TAOK3: variants seen among roughly 807,000 people sequenced by gnomAD.
The protein encoded by TAOK3 is TAO kinase 3, also known as serine/threonine-protein kinase TAO3.
Under a neutral mutation model 120.4 loss-of-function variants are expected in TAOK3, and 40 were observed. The observed-to-expected ratio is 0.33, with a 90% CI of 0.26 to 0.43. The LOEUF (loss-of-function observed/expected upper bound fraction) is 0.43. Ranked by LOEUF, TAOK3 falls within the 20% of genes least tolerant of loss-of-function variation. TAOK3 has a pLI of 1.00. For synonymous variants in TAOK3, 355 were observed against 387.5 expected, an observed-to-expected ratio of 0.92 and a Z score of 0.99; for missense variants, 821 against 1,112.1, an observed-to-expected ratio of 0.74 and a Z score of 3.72.
intron 1 of TAOK3, among the ~76,000 whole-genome samples, chr12:118,343,472 T>A (rs893839622): frequency 6.6e-6 from 1 of 150,638 alleles, no homozygotes; most frequent in Non-Finnish European, 1.5e-5. Flanking sequence ...GTGCACTCTA[T>A]GTAAGTGACC....
intron 17 of TAOK3, among the ~76,000 whole-genome samples, chr12:118,169,714 T>C (rs1294991591): frequency 6.6e-6 from 1 of 152,046 alleles, no homozygotes; most frequent in Admixed American, 6.6e-5. Context: ...GATTCCATCA[T>C]CTTTTCTCTC....
In TAOK3 at chr12:118,151,047, C is replaced by T; in HGVS notation, c.2647G>A (p.Gly883Arg). Reference protein sequence around the residue: ...ETFDMESLRMGFGNLVTLDFP... With the variant: ...ETFDMESLRMRFGNLVTLDFP... Reference sequence around the variant, plus strand: ...TCTAATGTAACCAAATTCCCAAATCCCATTCTGAGGCTCTCCATGTCAAAA... The same window carrying T: ...TCTAATGTAACCAAATTCCCAAATCTCATTCTGAGGCTCTCCATGTCAAAA... Residue 883 changes from glycine (G) to arginine (R), a missense_variant, in exon 21 of 21, where the codon GGA (glycine) becomes AGA (arginine). Physicochemically the swap from Gly to Arg is moderately radical, Grantham distance 125. Coordinates refer to ENST00000392533, the MANE Select transcript of TAOK3 (RefSeq NM_016281.4). 1 of 1,613,066 alleles carries T rather than the reference C, an allele frequency of 6.2e-7. No homozygotes were observed. Among genetic ancestry groups the T allele is most frequent in the Non-Finnish European group, 8.5e-7 (1 of 1,179,888 alleles).
chr12:118,187,012 T>C (rs75571641), intron 14 of TAOK3, among the ~76,000 whole-genome samples: 18,307 of 152,200 alleles, frequency 0.12, 1,185 homozygotes, highest in Middle Eastern at 0.15. Context: ...AGGCCTCTTT[T>C]AGGCTTATGT....
intron 11 of TAOK3, among the ~76,000 whole-genome samples, chr12:118,202,681 AT>A (rs373149415): frequency 1.3e-5 from 2 of 152,216 alleles, no homozygotes; most frequent in African/African-American, 4.8e-5. Context: ...TAATAAAAAA[AT>A]CACTAGAACT....
At chr12:118,280,897 T>C (rs2042077561) in intron 1 of TAOK3, among the ~76,000 whole-genome samples, 1 of 152,224 alleles carries the variant, frequency 6.6e-6, no homozygotes, top group African/African-American at 2.4e-5. Context: ...TAGTTCTCAT[T>C]GTAGAGATCT....
In TAOK3 at chr12:118,178,654, C is replaced by T. The variant is rs376697668; in HGVS notation, c.1567-1325G>A. On this transcript the variant is annotated intron_variant, in intron 15 of 20. Transcript: ENST00000392533. ...TGTATTTTTAGTAGAGACAGGGTTT[C>T]ACCATGTTGGCCAGGCTGGTGTTGA... Among the ~76,000 whole-genome samples the T allele has an allele frequency of 5.9e-5, 9 of 152,252 alleles. No homozygotes were observed. In the East Asian group the frequency reaches 1.5e-3, roughly 26 times the overall value.
chr12:118,201,434 T>C lies in TAOK3; in HGVS notation c.849A>G (p.Leu283=), dbSNP rs1226751975. 1.2e-6 allele frequency: 2 copies of C among 1,612,974 alleles called. No individual in the cohort carries two copies. Among genetic ancestry groups the C allele is most frequent in the South Asian group, 1.1e-5 (1 of 90,934 alleles). Residue 283 remains leucine, a synonymous_variant, in exon 12 of 21, where the codon CTA becomes CTG. Coordinates refer to ENST00000392533, the MANE Select transcript of TAOK3 (RefSeq NM_016281.4). ...TCTGTATGAGGTCAATGAGGACACG[T>C]AGTGGCCGGTCTCGTCGAACAAAGT... The part of the protein sequence containing the change: ...RHDFVRRDRP[L]RVLIDLIQRT...
chr12:118,243,266 C>A, intron 5 of TAOK3, 149 bp downstream of exon 5: 1 of 552,566 alleles, frequency 1.8e-6, no homozygotes, highest in Non-Finnish European at 3.1e-6. Flanking sequence ...AAGTGACACA[C>A]CAAAGTATTA....
intron 1 of TAOK3, among the ~76,000 whole-genome samples, chr12:118,346,946 C>T (rs747733714): frequency 9.2e-5 from 14 of 152,080 alleles, no homozygotes; most frequent in East Asian, 1.9e-4. Context: ...TATATGCATT[C>T]GTCTTCCTCC....
chr12:118,217,730 CTA>C (rs1212461956), intron 9 of TAOK3, among the ~76,000 whole-genome samples: 1 of 143,420 alleles, frequency 7.0e-6, no homozygotes, highest in Non-Finnish European at 1.5e-5. Flanking sequence ...TAGTCTCTCT[CTA>C]TATATAGACA....
intron 17 of TAOK3, among the ~76,000 whole-genome samples, chr12:118,165,436 C>A (rs1489282634): frequency 6.6e-6 from 1 of 152,220 alleles, no homozygotes; most frequent in Non-Finnish European, 1.5e-5. Context: ...CAAGCAAACA[C>A]CTTCAGAAGA....
chr12:118,209,401 C>T (rs925873266), intron 11 of TAOK3, among the ~76,000 whole-genome samples: 10 of 152,012 alleles, frequency 6.6e-5, no homozygotes, highest in Non-Finnish European at 1.0e-4. Context: ...TTTTCATGTT[C>T]TACCTTCTCT....
At chr12:118,232,085 C>G (rs574601777) in intron 9 of TAOK3, among the ~76,000 whole-genome samples, 1 of 152,136 alleles carries the variant, frequency 6.6e-6, no homozygotes, top group South Asian at 2.1e-4. Context: ...CACATCTTTC[C>G]CCATTTTCAC....
At chr12:118,314,168 C>T (rs1412564079) in intron 1 of TAOK3, among the ~76,000 whole-genome samples, 1 of 152,174 alleles carries the variant, frequency 6.6e-6, no homozygotes, top group Non-Finnish European at 1.5e-5. Context: ...AAGCCTCCAA[C>T]TTGCAAAAGA....
chr12:118,326,228 T>C (rs1227487103), intron 1 of TAOK3, among the ~76,000 whole-genome samples: 1 of 152,238 alleles, frequency 6.6e-6, no homozygotes, highest in African/African-American at 2.4e-5. Flanking sequence ...TTCTTCTGCA[T>C]ATGGATATCC....
At position 118,199,110 on chromosome 12, in the gene TAOK3, C is replaced by A; in HGVS notation, c.1135G>T (p.Val379Phe). ...GTGCTTTCGTCATCGTGCATCATGA[C>A]AAGTTCGGAACTGCTCTCGTCCATG... ...EVMDESSSELVMMHDDESTIN... is the reference protein window; with the variant it reads ...EVMDESSSELFMMHDDESTIN... Residue 379 changes from valine (V) to phenylalanine (F), a missense_variant, in exon 13 of 21, where the codon GTC becomes TTC. By Grantham distance (50) the Val-to-Phe change is conservative. Transcript: ENST00000392533. 1 of 1,614,148 alleles carries A rather than the reference C, an allele frequency of 6.2e-7. No homozygotes were observed. The highest frequency in any genetic ancestry group is 8.5e-7 in the Non-Finnish European group (1 of 1,180,040).
chr12:118,292,832 G>A (rs546864479), intron 1 of TAOK3, among the ~76,000 whole-genome samples: 2 of 152,310 alleles, frequency 1.3e-5, no homozygotes, highest in Admixed American at 1.3e-4. Context: ...CAATGAAGAG[G>A]AGTGTACCAA....
chr12:118,166,829 CACACACACACACACACAT>C (rs1203938647), intron 17 of TAOK3, among the ~76,000 whole-genome samples: 4 of 127,596 alleles, frequency 3.1e-5, no homozygotes, highest in African/African-American at 1.1e-4. Flanking sequence ...TATATATATA[CACACACACACACACACAT>C]ACACACACAC....
At chr12:118,263,422 C>A (rs2041316154) in intron 2 of TAOK3, among the ~76,000 whole-genome samples, 1 of 152,058 alleles carries the variant, frequency 6.6e-6, no homozygotes. Flanking sequence ...ATTTGTGACC[C>A]CAGGTTAGTT....
Sources: allele counts gnomAD v4.1 joint callset (sites outside exome capture counted in the v4.1 genomes callset), GRCh38; gene constraint gnomAD v4.1.1; transcripts MANE v1.5; gene names NCBI Gene and HGNC (gene_info 2026-07-23, HGNC 2026-07-21).